The following CNTNAP2 variants were observed in gnomAD, a reference collection of about 807,000 sequenced individuals.
The protein encoded by CNTNAP2 is contactin-associated protein-like 2.
In CNTNAP2, 98 loss-of-function variants were observed where a neutral mutation model predicts 155.2. That is an observed-to-expected ratio of 0.63 (90% CI 0.54 to 0.75). CNTNAP2 has a LOEUF of 0.75. Among genes scored for constraint, CNTNAP2 ranks in the 30% least tolerant of loss-of-function variants. The pLI, the probability that CNTNAP2 is intolerant of heterozygous loss-of-function variation, is 0.00. For synonymous variants in CNTNAP2, 651 were observed against 631.2 expected (o/e 1.03, Z -0.47); for missense variants, 1,727 against 1,688.1 (o/e 1.02, Z -0.40).
intron 2 of CNTNAP2, among the ~76,000 whole-genome samples, chr7:146,812,139 C>T (rs1322186542): frequency 6.6e-6 from 1 of 152,002 alleles, no homozygotes; most frequent in African/African-American, 2.4e-5. Flanking sequence ...GAGCTTGGAA[C>T]AGTTTAGAGG....
chr7:148,295,495 AT>A (rs770172459), intron 21 of CNTNAP2, among the ~76,000 whole-genome samples: 1,638 of 145,922 alleles, frequency 0.011, 16 homozygotes, highest in African/African-American at 0.034. Flanking sequence ...ATTTTAATCA[AT>A]TTTTTTTTTT....
chr7:146,895,618 A>C (rs1023933023), intron 3 of CNTNAP2, among the ~76,000 whole-genome samples: 1 of 152,100 alleles, frequency 6.6e-6, no homozygotes, highest in Non-Finnish European at 1.5e-5. Context: ...TATGGGGTAC[A>C]TCTATGGGAT....
At chr7:147,692,092 C>A (rs1796095203) in intron 13 of CNTNAP2, among the ~76,000 whole-genome samples, 1 of 152,074 alleles carries the variant, frequency 6.6e-6, no homozygotes, top group African/African-American at 2.4e-5. Flanking sequence ...TCCAGAATGT[C>A]ATATAGTCTG....
At chr7:146,174,258 G>T (rs114300139) in intron 1 of CNTNAP2, among the ~76,000 whole-genome samples, 2 of 150,978 alleles carry the variant, frequency 1.3e-5, no homozygotes, top group African/African-American at 2.4e-5. Flanking sequence ...ACAGAATACC[G>T]AATACCCATA....
chr7:147,833,203 G>A (rs1178165681), intron 13 of CNTNAP2, among the ~76,000 whole-genome samples: 2 of 150,868 alleles, frequency 1.3e-5, no homozygotes, highest in South Asian at 4.2e-4. Context: ...AAAAATATGC[G>A]GGAACATGAG....
intron 11 of CNTNAP2, among the ~76,000 whole-genome samples, chr7:147,531,646 G>A (rs1012502051): frequency 3.3e-5 from 5 of 152,112 alleles, no homozygotes; most frequent in Admixed American, 1.3e-4. Flanking sequence ...TTTTCCTCAT[G>A]GGCCTCCAGG....
chr7:147,097,514 G>A (rs1426186538), intron 4 of CNTNAP2: 1 of 152,240 alleles, frequency 6.6e-6, no homozygotes, highest in Non-Finnish European at 1.5e-5. Context: ...GAGAAAGAAT[G>A]AGAGCCAAGA....
At chr7:146,262,533 A>G (rs1799935971) in intron 1 of CNTNAP2, among the ~76,000 whole-genome samples, 1 of 152,210 alleles carries the variant, frequency 6.6e-6, no homozygotes, top group Non-Finnish European at 1.5e-5. Flanking sequence ...AATATGTACA[A>G]ATCAAAATTT....
At chr7:148,061,039 A>G (rs1803118712) in intron 15 of CNTNAP2, among the ~76,000 whole-genome samples, 1 of 152,260 alleles carries the variant, frequency 6.6e-6, no homozygotes, top group Non-Finnish European at 1.5e-5. Context: ...AGCAATCTCT[A>G]AAGGATTTAC....
At chr7:147,603,118 T>G (rs9690031) in intron 12 of CNTNAP2, among the ~76,000 whole-genome samples, 1 of 149,810 alleles carries the variant, frequency 6.7e-6, no homozygotes, top group Non-Finnish European at 1.5e-5. Context: ...TAAAAGTGTT[T>G]CTATTTCTCC....
Position 148,039,940 on chromosome 7 carries a change from T to G in CNTNAP2, c.2383+61951T>G, listed in dbSNP as rs536060843. ...CTGAATTACTAAATGGAAGCTTTAT[T>G]AGGAAGTATTCTCTGTTCTTTCTAC... On this transcript the variant is annotated intron_variant, in intron 15 of 23. Transcript: ENST00000361727. Among the ~76,000 whole-genome samples the G allele has an allele frequency of 1.8e-4, 27 of 152,330 alleles. 1 individual carries two copies. Among genetic ancestry groups the G allele is most frequent in the African/African-American group, 5.5e-4 (23 of 41,568 alleles).
At chr7:147,490,171 G>A (rs1360784681) in intron 11 of CNTNAP2, among the ~76,000 whole-genome samples, 1 of 151,996 alleles carries the variant, frequency 6.6e-6, no homozygotes, top group African/African-American at 2.4e-5. Flanking sequence ...ATATATAGAC[G>A]TAATGTTTCC....
At chr7:147,858,034 T>A (rs1310117100) in intron 13 of CNTNAP2, among the ~76,000 whole-genome samples, 6 of 152,220 alleles carry the variant, frequency 3.9e-5, no homozygotes, top group Non-Finnish European at 8.8e-5. Flanking sequence ...TATGTTGAAC[T>A]GGATGAGGTA....
chr7:146,827,478 T>C (rs955302500), intron 2 of CNTNAP2, among the ~76,000 whole-genome samples: 1 of 151,742 alleles, frequency 6.6e-6, no homozygotes, highest in African/African-American at 2.4e-5. Context: ...CCTTGTGATC[T>C]GCGTGGACAA....
chr7:146,457,445 A>ATATTTTG (rs1796570971), intron 1 of CNTNAP2, among the ~76,000 whole-genome samples: 1 of 118,882 alleles, frequency 8.4e-6, no homozygotes, highest in African/African-American at 3.0e-5. Flanking sequence ...TAAATGAATC[A>ATATTTTG]AATTATAATT....
chr7:146,545,644 A>G (rs558975921), intron 1 of CNTNAP2, among the ~76,000 whole-genome samples: 1 of 151,848 alleles, frequency 6.6e-6, no homozygotes, highest in Admixed American at 6.6e-5. Context: ...TGCCAGCTTC[A>G]TCCATGTCCC....
At chr7:146,637,813 T>A (rs932374533) in intron 1 of CNTNAP2, among the ~76,000 whole-genome samples, 6 of 152,172 alleles carry the variant, frequency 3.9e-5, no homozygotes, top group Non-Finnish European at 7.4e-5. Context: ...TACTAAGATA[T>A]GGGAAAAAAT....
intron 2 of CNTNAP2, chr7:146,782,381 C>A (rs1486261064): frequency 3.3e-5 from 5 of 152,148 alleles, no homozygotes; most frequent in Admixed American, 3.3e-4. Flanking sequence ...TCTTCATCTT[C>A]AATTGGCTCT....
intron 8 of CNTNAP2, among the ~76,000 whole-genome samples, chr7:147,290,683 CAAAAAAAAAAA>C (rs71182191): frequency 1.2e-4 from 9 of 73,312 alleles, no homozygotes; most frequent in African/African-American, 2.1e-4. Context: ...ACTCCATCTC[CAAAAAAAAAAA>C]AAAAAAAAAA....
Sources: allele counts gnomAD v4.1 joint callset (sites outside exome capture counted in the v4.1 genomes callset), GRCh38; gene constraint gnomAD v4.1.1; transcripts MANE v1.5; gene names NCBI Gene and HGNC (gene_info 2026-07-23, HGNC 2026-07-21).